The following ADGRF3 variants were observed in gnomAD, a reference collection of about 807,000 sequenced individuals.
ADGRF3 encodes G protein-coupled receptor 113.
Under a neutral mutation model 93.2 loss-of-function variants are expected in ADGRF3, and 85 were observed. The ratio of observed to expected loss-of-function variants is 0.91; its 90% confidence interval spans 0.77 to 1.09. ADGRF3 has a LOEUF of 1.09. Ranked by LOEUF, ADGRF3 falls within the 50% of genes least tolerant of loss-of-function variation. The pLI, the probability that ADGRF3 is intolerant of heterozygous loss-of-function variation, is 0.00. For missense variants in ADGRF3, 1,125 were observed against 1,246.2 expected, an observed-to-expected ratio of 0.90 and a Z score of 1.46; for synonymous variants, 534 against 532.5, an observed-to-expected ratio of 1.00 and a Z score of -0.04.
At chr2:26,323,386 G>A (rs976455697) in intron 1 of ADGRF3, among the ~76,000 whole-genome samples, 3 of 152,124 alleles carry the variant, frequency 2.0e-5, no homozygotes, top group Non-Finnish European at 4.4e-5. Context: ...TTAGCTGCTG[G>A]CAGCTTCTCT....
At chr2:26,319,595 C>T (rs367809357) in intron 1 of ADGRF3, among the ~76,000 whole-genome samples, 1,755 of 82,744 alleles carry the variant, frequency 0.021, 68 homozygotes, top group East Asian at 0.06. Flanking sequence ...TCCTTCCTTC[C>T]TTCCTTCCTT....
At chr2:26,317,467 C>G (rs1674801834) in intron 2 of ADGRF3, 29 bp downstream of exon 2, 1 of 1,568,554 alleles carries the variant, frequency 6.4e-7, no homozygotes, top group Non-Finnish European at 8.6e-7. Context: ...TCTCCTCCCC[C>G]TCCCTCCTCC....
At position 26,308,741 on chromosome 2, in the gene ADGRF3, T is replaced by C. The variant is rs1180231774; in HGVS notation, c.*345A>G. The C allele has an allele frequency of 3.9e-6, 1 of 258,244 alleles. No homozygotes were observed. The highest frequency in any genetic ancestry group is 2.2e-5 in the African/African-American group (1 of 45,362). The allele number at this position is 258,244 out of a possible 1,614,324, so 16.0% of individuals were successfully genotyped here. On this transcript the variant is annotated 3_prime_UTR_variant, in exon 14 of 14. Transcript: ENST00000651242. Reference sequence around the variant, plus strand: ...GTCAATTAAAACCATTTTTATCAAATATATTCATTCACAACATGTATTGTT... The same window carrying C: ...GTCAATTAAAACCATTTTTATCAAACATATTCATTCACAACATGTATTGTT...
Position 26,312,982 on chromosome 2 carries a change from C to T in ADGRF3, c.1410G>A (p.Val470=), listed in dbSNP as rs1674323708. 5 of 1,613,704 alleles carry T rather than the reference C, an allele frequency of 3.1e-6. No homozygotes were observed. Among genetic ancestry groups the T allele is most frequent in the Non-Finnish European group, 4.2e-6 (5 of 1,179,756 alleles). Residue 470 remains valine, a synonymous_variant, in exon 9 of 14, where the codon GTG becomes GTA. Coordinates refer to ENST00000651242, the MANE Select transcript of ADGRF3 (RefSeq NM_001321971.2). ...GGTCAAGCTGTATTCTGGCCTCTGC[C>T]ACCACCTTGGCCACGTATTTCATGG... ...LSTMKYVAKV[V]AEARIQLDRR...
intron 1 of ADGRF3, among the ~76,000 whole-genome samples, chr2:26,326,671 T>A (rs1429859278): frequency 2.0e-5 from 3 of 152,194 alleles, no homozygotes; most frequent in Non-Finnish European, 4.4e-5. Context: ...AGCAGGTCCT[T>A]GTACTGAGAA....
intron 1 of ADGRF3, chr2:26,319,085 A>G: frequency 2.0e-6 from 3 of 1,530,254 alleles, no homozygotes; most frequent in South Asian, 2.4e-5. Flanking sequence ...CCCACGATGC[A>G]AATTTCCGCA....
At chr2:26,326,127 T>A (rs1288097600) in intron 1 of ADGRF3, among the ~76,000 whole-genome samples, 3 of 152,154 alleles carry the variant, frequency 2.0e-5, no homozygotes, top group African/African-American at 7.2e-5. Context: ...CTGAGCCAAG[T>A]GTACTTCCCA....
intron 1 of ADGRF3, among the ~76,000 whole-genome samples, chr2:26,344,379 A>G (rs773281909): frequency 6.6e-6 from 1 of 152,130 alleles, no homozygotes; most frequent in Non-Finnish European, 1.5e-5. Flanking sequence ...CCTGATCGCA[A>G]GTAATCCCTC....
chr2:26,342,168 C>CT (rs1210542016), intron 1 of ADGRF3, among the ~76,000 whole-genome samples: 2 of 151,468 alleles, frequency 1.3e-5, no homozygotes, highest in East Asian at 3.9e-4. Flanking sequence ...AACTAAAAGT[C>CT]TGATGACCTG....
chr2:26,336,737 A>T (rs1676071544), intron 1 of ADGRF3, among the ~76,000 whole-genome samples: 1 of 150,296 alleles, frequency 6.7e-6, no homozygotes, highest in South Asian at 2.1e-4. Flanking sequence ...AAAAAAAAAA[A>T]AAAAAAAAAA....
chr2:26,317,910 A>G (rs1574710822), intron 1 of ADGRF3: 1 of 921,368 alleles, frequency 1.1e-6, no homozygotes, highest in African/African-American at 1.6e-5. Flanking sequence ...GCTGGGGCCC[A>G]GGCGCTTGGG....
chr2:26,311,964 C>CT lies in ADGRF3; in HGVS notation c.1559dup (p.Thr521AspfsTer34). 6.2e-7 allele frequency: 1 copy of CT among 1,613,356 alleles called. No homozygotes were observed. Among genetic ancestry groups the CT allele is most frequent in the Middle Eastern group, 1.7e-4 (1 of 5,988 alleles). On this transcript the variant is annotated frameshift_variant, in exon 10 of 14. Transcript: ENST00000651242. LOFTEE classifies it high-confidence loss of function. ...GTGGGCACAGGCTGCATGCCAGGGT[C>CT]TCCACAGCCAGCAGGAGAGTCGAGC... is the stretch of plus-strand genomic sequence containing the variant.
chr2:26,345,807 A>G, intron 1 of ADGRF3: 1 of 390,764 alleles, frequency 2.6e-6, no homozygotes, highest in Non-Finnish European at 4.7e-6. Flanking sequence ...TACCACAGAA[A>G]TCCCACCTTC....
rs1202871884 is a variant in ADGRF3, at chr2:26,311,877, G to A, written c.1647C>T (p.Pro549=). The change falls in exon 10 of 14, where the codon CCC becomes CCT. Residue 549 remains proline (P), a synonymous_variant. Transcript: ENST00000651242. ...AGATGCTGTAGTCAGCAGGAAACGT[G>A]GGTCCAAACAGCTGGCTCTGCAGCA... ...NVLLQSQLFG[P]TFPADYSISF... is the part of the protein sequence containing the mutation. The A allele has an allele frequency of 6.2e-7, 1 of 1,613,912 alleles. No individual in the cohort carries two copies. The highest frequency in any genetic ancestry group is 2.2e-5 in the East Asian group (1 of 44,868).
intron 10 of ADGRF3, 82 bp from the exon 11 acceptor site, chr2:26,310,319 T>C: frequency 6.7e-7 from 1 of 1,484,778 alleles, no homozygotes; most frequent in Non-Finnish European, 9.4e-7. Flanking sequence ...TCCTGTGTAA[T>C]TCACATCCTA....
chr2:26,316,161 G>T, intron 4 of ADGRF3, 114 bp downstream of exon 4: 1 of 1,115,046 alleles, frequency 9.0e-7, no homozygotes, highest in Non-Finnish European at 1.3e-6. Context: ...CCCACCCAGA[G>T]GAGCAGCTGT....
chr2:26,345,897 A>T (rs2147937400), intron 1 of ADGRF3: 3 of 547,672 alleles, frequency 5.5e-6, no homozygotes, highest in Non-Finnish European at 6.4e-6. Flanking sequence ...ACCAATTTTG[A>T]CGCTAGCAAA....
intron 1 of ADGRF3, among the ~76,000 whole-genome samples, chr2:26,324,101 G>T (rs1038108624): frequency 6.6e-6 from 1 of 152,044 alleles, no homozygotes; most frequent in Non-Finnish European, 1.5e-5. Flanking sequence ...TCTACAAAAA[G>T]TTAGCTGGGT....
At chr2:26,321,969 CAAAA>C (rs112854920) in intron 1 of ADGRF3, among the ~76,000 whole-genome samples, 1 of 55,334 alleles carries the variant, frequency 1.8e-5, no homozygotes, top group Non-Finnish European at 3.7e-5. Flanking sequence ...TGAGACTCCT[CAAAA>C]AAAAAAAAAA....
Sources: gnomAD v4.1 joint callset for allele counts (sites outside exome capture counted in the v4.1 genomes callset) on GRCh38, gnomAD v4.1.1 for gene constraint, MANE v1.5 for transcripts, NCBI Gene and HGNC (gene_info 2026-07-23, HGNC 2026-07-21) for gene names.